Variants in OTP observed in about 807,000 individuals in gnomAD.
OTP encodes the protein homeobox protein orthopedia.
In OTP, 5 loss-of-function variants were observed where a neutral mutation model predicts 22.3. The observed-to-expected ratio is 0.22, with a 90% CI of 0.12 to 0.47. OTP has a LOEUF of 0.47. Ranked by LOEUF, OTP falls within the 20% of genes least tolerant of loss-of-function variation. OTP has a pLI of 0.99. For missense variants in OTP, 428 were observed against 456.2 expected (o/e 0.94, Z 0.56); for synonymous variants, 229 against 210.6 (o/e 1.09, Z -0.76).
chr5:77,630,561 G>A lies in OTP; in HGVS notation c.681C>T (p.Gly227=). The change falls in exon 3 of 3, where the codon GGC becomes GGT. Residue 227 remains glycine (G), a synonymous_variant. Coordinates refer to ENST00000306422, the MANE Select transcript of OTP (RefSeq NM_032109.3). ...GCGACTGCGCCATGGCCTGCTGCCT[G>A]CCCAGCGCCGGCGGCAGAGGCAGCT... ...VSQLPLPPAL[G]RQQAMAQSLS... 24 of 1,567,262 alleles carry A rather than the reference G, an allele frequency of 1.5e-5. No homozygotes were observed. Among genetic ancestry groups the A allele is most frequent in the Non-Finnish European group, 2.0e-5 (23 of 1,160,566 alleles).
At chr5:77,631,975 G>A (rs370561086) in intron 2 of OTP, among the ~76,000 whole-genome samples, 1 of 152,042 alleles carries the variant, frequency 6.6e-6, no homozygotes, top group South Asian at 2.1e-4. Context: ...GGACCAATAT[G>A]AATTAAAGGA....
chr5:77,635,045 C>A (rs1297533673), intron 2 of OTP, among the ~76,000 whole-genome samples: 2 of 151,942 alleles, frequency 1.3e-5, no homozygotes, highest in Non-Finnish European at 2.9e-5. Context: ...GTTTAATAGA[C>A]CTCGTTTTCT....
At chr5:77,632,602 C>T (rs1395245591) in intron 2 of OTP, among the ~76,000 whole-genome samples, 1 of 152,160 alleles carries the variant, frequency 6.6e-6, no homozygotes, top group Non-Finnish European at 1.5e-5. Flanking sequence ...TCTACGCTTA[C>T]CAGTGTGAAC....
chr5:77,636,551 A>C, intron 2 of OTP: 1 of 380,216 alleles, frequency 2.6e-6, no homozygotes, highest in Non-Finnish European at 4.7e-6. Context: ...GAGGAGGCGA[A>C]CCCTGTAGCC....
intron 2 of OTP, among the ~76,000 whole-genome samples, chr5:77,631,521 C>T (rs1744929398): frequency 6.6e-6 from 1 of 151,212 alleles, no homozygotes; most frequent in Non-Finnish European, 1.5e-5. Context: ...GTGGCTGGAA[C>T]CTGCTGCCCC....
intron 2 of OTP, chr5:77,635,832 A>G (rs1744997275): frequency 6.6e-6 from 1 of 152,078 alleles, no homozygotes; most frequent in Non-Finnish European, 1.5e-5. Flanking sequence ...AAGAGTGAGT[A>G]CCGGCGCTTG....
At chr5:77,638,249 G>GAAAA (rs34059045) in intron 1 of OTP, among the ~76,000 whole-genome samples, 3 of 92,534 alleles carry the variant, frequency 3.2e-5, no homozygotes, top group South Asian at 4.3e-4. Context: ...ATCGCCTTTC[G>GAAAA]AAAAAAAAAA....
intron 2 of OTP, among the ~76,000 whole-genome samples, chr5:77,634,321 G>A (rs1365110434): frequency 6.6e-6 from 1 of 152,110 alleles, no homozygotes; most frequent in Non-Finnish European, 1.5e-5. Flanking sequence ...TGCTATAAAA[G>A]GAATGGTTTT....
In OTP at chr5:77,630,492, C is replaced by T. The variant is rs1744910400; in HGVS notation, c.750G>A (p.Met250Ile). ...SLAAGPPPNS[M>I]GLSNSLAGSN... ...AACCCGCCAGGCTGTTGGACAGGCC[C>T]ATGGAGTTGGGCGGCGGACCGGCCG... The change falls in exon 3 of 3, where the codon ATG becomes ATA. Residue 250 changes from methionine (M) to isoleucine (I), a missense_variant. Physicochemically the swap from Met to Ile is conservative, Grantham distance 10. Transcript: ENST00000306422. 1 of 1,593,970 alleles carries T rather than the reference C, an allele frequency of 6.3e-7. No individual in the cohort carries two copies. Among genetic ancestry groups the T allele is most frequent in the East Asian group, 2.3e-5 (1 of 44,030 alleles).
Position 77,630,030 on chromosome 5 carries a change from G to A in OTP, c.*234C>T, listed in dbSNP as rs536037702. 166 of 252,970 alleles carry A rather than the reference G, an allele frequency of 6.6e-4. No individual in the cohort carries two copies. The highest frequency in any genetic ancestry group is 3.6e-3 in the African/African-American group (157 of 44,196). The allele number at this position is 252,970 out of a possible 1,614,324, so 15.7% of individuals were successfully genotyped here. On this transcript the variant is annotated 3_prime_UTR_variant, in exon 3 of 3. Transcript: ENST00000306422. Reference sequence around the variant, plus strand: ...GCAGCTGGGTGGGAAGGGAAGAGGGGCGGCCGGGAGACGGGGGACCGCGGG... The same window carrying A: ...GCAGCTGGGTGGGAAGGGAAGAGGGACGGCCGGGAGACGGGGGACCGCGGG...
rs1744901398 is a variant in OTP, at chr5:77,630,148, G to A, written c.*116C>T. 3 of 531,984 alleles carry A rather than the reference G, an allele frequency of 5.6e-6. No individual in the cohort carries two copies. 33.0% of individuals were successfully genotyped at this position (531,984 alleles called of 1,614,324 possible). A position where few individuals can be genotyped will look rare whatever the true frequency, so the allele number is the denominator to read the frequency against. On this transcript the variant is annotated 3_prime_UTR_variant, in exon 3 of 3. Coordinates refer to ENST00000306422, the MANE Select transcript of OTP (RefSeq NM_032109.3). ...AGAGAGGCGAGGACGAAACGAGACGGGGCGAAGGCCGGGGCGGGACGGGGC... is the reference window on the plus strand; with the variant it reads ...AGAGAGGCGAGGACGAAACGAGACGAGGCGAAGGCCGGGGCGGGACGGGGC...
intron 1 of OTP, 24 bp downstream of exon 1, chr5:77,638,489 C>T (rs1217141168): frequency 5.1e-6 from 8 of 1,566,816 alleles, no homozygotes; most frequent in Non-Finnish European, 6.9e-6. Flanking sequence ...CTCCTGGCTG[C>T]CCGGGCGAGA....
At chr5:77,631,182 C>T (rs537428591) in intron 2 of OTP, among the ~76,000 whole-genome samples, 3 of 152,366 alleles carry the variant, frequency 2.0e-5, no homozygotes, top group African/African-American at 7.2e-5. Flanking sequence ...TGAAGATAAA[C>T]GTGTACCCAT....
rs1394946171 is a variant in OTP at position 77,630,792 on chromosome 5, G to C, written c.450C>G (p.Val150=). The change falls in exon 3 of 3, where the codon GTC becomes GTG. Residue 150 remains valine (V), a splice_region_variant and synonymous_variant. Transcript: ENST00000306422. ...RIGLTESRVQ[V]WFQNRRAKWK... ...ACTTGGCGCGTCGGTTCTGGAACCAGACCTGGAGCGGGCGGGGCGGGAGAC... is the reference window on the plus strand; with the variant it reads ...ACTTGGCGCGTCGGTTCTGGAACCACACCTGGAGCGGGCGGGGCGGGAGAC... 6.5e-7 allele frequency: 1 copy of C among 1,542,986 alleles called. No homozygotes were observed. The highest frequency in any genetic ancestry group is 8.7e-7 in the Non-Finnish European group (1 of 1,153,398).
Position 77,638,505 on chromosome 5 carries a change from G to A in OTP, c.37+8C>T, listed in dbSNP as rs376551111. On this transcript the variant is annotated splice_region_variant and intron_variant, in intron 1 of 2. Transcript: ENST00000306422. ...TCCTGGCTGCCCGGGCGAGAGGCGCGCACTCACCTAGCCTGGCGTCCAGGA... is the reference window on the plus strand; with the variant it reads ...TCCTGGCTGCCCGGGCGAGAGGCGCACACTCACCTAGCCTGGCGTCCAGGA... 1.3e-6 allele frequency: 2 copies of A among 1,572,976 alleles called. No individual in the cohort carries two copies. Among genetic ancestry groups the A allele is most frequent in the Non-Finnish European group, 1.7e-6 (2 of 1,158,818 alleles).
chr5:77,628,932 C>T lies in OTP; in HGVS notation c.*1332G>A, dbSNP rs1036645885. On this transcript the variant is annotated 3_prime_UTR_variant, in exon 3 of 3. Transcript: ENST00000306422. ...AAACATCCTATTTCACATATTTGTT[C>T]ATTCTTAGAAAGCGCTTCTGTTCTC... is the stretch of plus-strand genomic sequence containing the variant. 6.6e-6 allele frequency: 1 copy of T among 152,614 alleles called. No homozygotes were observed. Among genetic ancestry groups the T allele is most frequent in the Non-Finnish European group, 1.5e-5 (1 of 68,030 alleles). The allele number at this position is 152,614 out of a possible 1,614,324, so 9.5% of individuals were successfully genotyped here.
At chr5:77,634,927 G>A (rs1744985273) in intron 2 of OTP, among the ~76,000 whole-genome samples, 1 of 151,986 alleles carries the variant, frequency 6.6e-6, no homozygotes, top group Non-Finnish European at 1.5e-5. Context: ...ATTCTTTTGT[G>A]TACTTTTTGA....
chr5:77,632,128 C>A (rs1047308579), intron 2 of OTP, among the ~76,000 whole-genome samples: 84 of 151,538 alleles, frequency 5.5e-4, no homozygotes, highest in African/African-American at 2.0e-3. Flanking sequence ...TAACAGTGGC[C>A]CGGGAGTTAC....
In OTP at chr5:77,630,392, G is replaced by T. The variant is rs1561245167; in HGVS notation, c.850C>A (p.Pro284Thr). Residue 284 changes from proline (P) to threonine (T), a missense_variant, in exon 3 of 3, where the codon CCC becomes ACC. By Grantham distance (38) the Pro-to-Thr change is conservative (BLOSUM62 -1). Around this residue, in one of 3 missense-constraint regions of OTP, gnomAD observed 236 missense variants for 238.1 expected, o/e 0.99. Transcript: ENST00000306422. ...PGMVPASLPG[P>T]SNVSGSPQLC... ...TGGGGCGAACCGGAGACGTTGCTGGGGCCGGGGAGGGAGGCGGGCACCATG... is the reference window on the plus strand; with the variant it reads ...TGGGGCGAACCGGAGACGTTGCTGGTGCCGGGGAGGGAGGCGGGCACCATG... 1 of 1,580,264 alleles carries T rather than the reference G, an allele frequency of 6.3e-7. No individual in the cohort carries two copies. The highest frequency in any genetic ancestry group is 1.2e-5 in the South Asian group (1 of 86,854).
Sources: allele counts gnomAD v4.1 joint callset (sites outside exome capture counted in the v4.1 genomes callset), GRCh38; gene constraint gnomAD v4.1.1; regional missense constraint gnomAD v4.1.1; transcripts MANE v1.5; gene names NCBI Gene and HGNC (gene_info 2026-07-23, HGNC 2026-07-21).